Variants in PPP1R12C observed in about 807,000 individuals in gnomAD.
PPP1R12C encodes the protein protein phosphatase 1 regulatory subunit 12C.
A neutral mutation model predicts 95.6 loss-of-function variants in PPP1R12C; 48 were observed. That is an observed-to-expected ratio of 0.50 (90% CI 0.40 to 0.64). The LOEUF is 0.64. Among genes scored for constraint, PPP1R12C ranks in the 30% least tolerant of loss-of-function variants. The probability of loss-of-function intolerance (pLI) is 0.00; values close to 1 mark genes in which losing one functional copy is unlikely to be tolerated. For missense variants in PPP1R12C, 1,057 were observed against 1,083.3 expected (o/e 0.98, Z 0.34); for synonymous variants, 480 against 460.8 (o/e 1.04, Z -0.53).
rs1368975826 is a variant in PPP1R12C, at chr19:55,091,530, T to G, written c.2291A>C (p.Gln764Pro). ...KALSDLRADN[Q>P]RLKDENAALI... is the part of the protein sequence containing the mutation. ...CGCTGCATTCTCATCCTTGAGGCGC[T>G]GGTTGTCAGCGCGGAGGTCAGACAG... is the stretch of plus-strand genomic sequence containing the variant. Residue 764 changes from glutamine to proline, a missense_variant, in exon 22 of 22, where the codon CAG (glutamine) becomes CCG (proline). Coordinates refer to ENST00000263433, the MANE Select transcript of PPP1R12C (RefSeq NM_017607.4). The G allele has an allele frequency of 6.2e-7, 1 of 1,613,934 alleles. No individual in the cohort carries two copies. Among genetic ancestry groups the G allele is most frequent in the East Asian group, 2.2e-5 (1 of 44,876 alleles).
At position 55,098,797 on chromosome 19, in the gene PPP1R12C, C is replaced by T. The variant is rs749343076; in HGVS notation, c.938G>A (p.Arg313Gln). The T allele has an allele frequency of 4.3e-6, 7 of 1,613,400 alleles. No homozygotes were observed. The highest frequency in any genetic ancestry group is 1.7e-5 in the Admixed American group (1 of 60,002). The change falls in exon 6 of 22, where the codon CGG becomes CAG. Residue 313 changes from arginine (R) to glutamine (Q), a missense_variant. Coordinates refer to ENST00000263433, the MANE Select transcript of PPP1R12C (RefSeq NM_017607.4). Reference protein sequence around the residue: ...EVLSLLEELARKQEDLRNQKE... With the variant: ...EVLSLLEELAQKQEDLRNQKE... ...CCTGACACTCACGTCCTCCTGTTTC[C>T]GGGCCAGTTCCTCCAACAGGCTCAG...
intron 3 of PPP1R12C, among the ~76,000 whole-genome samples, chr19:55,104,092 G>A (rs531718962): frequency 6.9e-6 from 1 of 145,442 alleles, no homozygotes; most frequent in East Asian, 2.0e-4. Context: ...GAACCCGGGA[G>A]TTGGAGGTTG....
chr19:55,096,432 C>A (rs935325679), intron 6 of PPP1R12C, 97 bp from the exon 7 acceptor site: 3 of 1,423,438 alleles, frequency 2.1e-6, no homozygotes, highest in Non-Finnish European at 3.0e-6. Flanking sequence ...ACTGCCCAGG[C>A]GGGCACCGAG....
chr19:55,097,852 T>C (rs1382133465), intron 6 of PPP1R12C, among the ~76,000 whole-genome samples: 1 of 151,968 alleles, frequency 6.6e-6, no homozygotes, highest in Non-Finnish European at 1.5e-5. Flanking sequence ...CCCCACCTAT[T>C]AAACCCCTCA....
Position 55,117,352 on chromosome 19 carries a change from C to A in PPP1R12C, c.192G>T (p.Leu64=). 2 of 1,135,164 alleles carry A rather than the reference C, an allele frequency of 1.8e-6. No individual in the cohort carries two copies. The highest frequency in any genetic ancestry group is 2.2e-6 in the Non-Finnish European group (2 of 926,984). The allele number at this position is 1,135,164 out of a possible 1,614,324, so 70.3% of individuals were successfully genotyped here. A position where few individuals can be genotyped will look rare whatever the true frequency, so the allele number is the denominator to read the frequency against. Residue 64 remains leucine (L), a synonymous_variant, in exon 1 of 22, where the codon CTG becomes CTT. Transcript: ENST00000263433. The part of the protein sequence containing the change: ...EFLAACAGGD[L]DEARLMLRAA... ...CGCGCAGCATCAGACGCGCCTCGTC[C>A]AGGTCGCCGCCCGCACAGGCCGCCA... is the stretch of plus-strand genomic sequence containing the variant.
chr19:55,102,104 T>C (rs2084985911), intron 4 of PPP1R12C, among the ~76,000 whole-genome samples: 1 of 152,076 alleles, frequency 6.6e-6, no homozygotes, highest in African/African-American at 2.4e-5. Context: ...AGCCTGAGGA[T>C]GAGAACTGGA....
At chr19:55,104,661 G>A (rs564563168) in intron 3 of PPP1R12C, among the ~76,000 whole-genome samples, 1 of 150,794 alleles carries the variant, frequency 6.6e-6, no homozygotes, top group Admixed American at 6.6e-5. Context: ...TTGCACCACT[G>A]CACTCCAGCC....
chr19:55,094,739 G>C lies in PPP1R12C; in HGVS notation c.1514C>G (p.Pro505Arg), dbSNP rs369559413. 2 of 1,609,394 alleles carry C rather than the reference G, an allele frequency of 1.2e-6. No individual in the cohort carries two copies. Among genetic ancestry groups the C allele is most frequent in the Non-Finnish European group, 1.7e-6 (2 of 1,178,820 alleles). ...TGGCTTCGCTGGGGATTCAGGCTCC[G>C]GAATCCTGGAGGGAGGCGAGGAGTT... ...LENSSPPSRI[P>R]EPESPAKPNV... The change falls in exon 12 of 22, where the codon CCG becomes CGG. Residue 505 changes from proline to arginine, a missense_variant. By Grantham distance (103) the Pro-to-Arg change is moderately radical. Around this residue, in one of 5 missense-constraint regions of PPP1R12C, gnomAD observed 356 missense variants for 330.5 expected, o/e 1.08. Transcript: ENST00000263433.
At chr19:55,116,316 C>CG (rs1321646521) in intron 1 of PPP1R12C, among the ~76,000 whole-genome samples, 2 of 151,896 alleles carry the variant, frequency 1.3e-5, no homozygotes, top group African/African-American at 4.8e-5. Flanking sequence ...GAGAGATGCC[C>CG]GGAGAGGACC....
intron 4 of PPP1R12C, 25 bp from the exon 5 acceptor site, chr19:55,099,120 C>A: frequency 6.7e-7 from 1 of 1,503,634 alleles, no homozygotes; most frequent in South Asian, 1.3e-5. Flanking sequence ...GGCTCAGGGT[C>A]AGAGGCCAAG....
rs2084863058 is a variant in PPP1R12C, at chr19:55,092,863, C to T, written c.1831G>A (p.Ala611Thr). 1 of 1,590,220 alleles carries T rather than the reference C, an allele frequency of 6.3e-7. No homozygotes were observed. The highest frequency in any genetic ancestry group is 8.6e-7 in the Non-Finnish European group (1 of 1,169,146). ...NSDSPAQRAE[A>T]PDGQGPGPQA... ...GGTCCCGGACCCTGCCCGTCGGGCG[C>T]CTCTGCTGGGGGAGGGGCAGGAATC... The change falls in exon 16 of 22, where the codon GCG becomes ACG. Residue 611 changes from alanine to threonine, a missense_variant. By Grantham distance (58) the Ala-to-Thr change is moderately conservative. Transcript: ENST00000263433.
At chr19:55,113,791 G>C (rs867135956) in intron 1 of PPP1R12C, 5 of 274,742 alleles carry the variant, frequency 1.8e-5, no homozygotes, top group Non-Finnish European at 2.7e-5. Flanking sequence ...AACTCGGCTC[G>C]TTTATTTCCA....
Position 55,091,556 on chromosome 19 carries a change from G to A in PPP1R12C, c.2265C>T (p.Ala755=). ...KAAELEEELK[A]LSDLRADNQR... ...GGTTGTCAGCGCGGAGGTCAGACAGGGCCTGGGGGACGGCAAGGGTCAGCT... is the reference window on the plus strand; with the variant it reads ...GGTTGTCAGCGCGGAGGTCAGACAGAGCCTGGGGGACGGCAAGGGTCAGCT... The change falls in exon 22 of 22, where the codon GCC becomes GCT. Residue 755 remains alanine (A), a splice_region_variant and synonymous_variant. Coordinates refer to ENST00000263433, the MANE Select transcript of PPP1R12C (RefSeq NM_017607.4). 1 of 1,613,614 alleles carries A rather than the reference G, an allele frequency of 6.2e-7. No homozygotes were observed. Among genetic ancestry groups the A allele is most frequent in the Non-Finnish European group, 8.5e-7 (1 of 1,179,938 alleles).
intron 1 of PPP1R12C, chr19:55,115,172 G>A (rs747022899): frequency 2.6e-5 from 4 of 152,176 alleles, no homozygotes; most frequent in African/African-American, 7.3e-5. Context: ...GAGTAGAGGC[G>A]GCCACGACCT....
At position 55,112,490 on chromosome 19, in the gene PPP1R12C, A is replaced by G; in HGVS notation, c.548T>C (p.Leu183Pro). The G allele has an allele frequency of 6.2e-7, 1 of 1,612,472 alleles. No homozygotes were observed. The highest frequency in any genetic ancestry group is 8.5e-7 in the Non-Finnish European group (1 of 1,179,730). The part of the protein sequence containing the change: ...LAESDAMEGL[L>P]KAEIARRGVD... ...ACCTCGGCGGGCGATCTCCGCCTTC[A>G]GCAGCCCCTCCATGGCGTCCGACTC... The change falls in exon 3 of 22, where the codon CTG becomes CCG. Residue 183 changes from leucine to proline, a missense_variant. Leu to Pro is a moderately conservative substitution (Grantham distance 98). Transcript: ENST00000263433.
At chr19:55,095,146 C>T (rs2147182226) in intron 11 of PPP1R12C, 145 bp downstream of exon 11, 2 of 942,922 alleles carry the variant, frequency 2.1e-6, no homozygotes, top group Admixed American at 2.1e-5. Flanking sequence ...GGGAGAGAGC[C>T]CCCAAGAGGA....
At position 55,095,507 on chromosome 19, in the gene PPP1R12C, C is replaced by G; in HGVS notation, c.1324G>C (p.Ala442Pro). 6.4e-7 allele frequency: 1 copy of G among 1,574,774 alleles called. No individual in the cohort carries two copies. The highest frequency in any genetic ancestry group is 8.6e-7 in the Non-Finnish European group (1 of 1,160,248). Residue 442 changes from alanine to proline, a missense_variant, in exon 10 of 22, where the codon GCC (alanine) becomes CCC (proline). By Grantham distance (27) the Ala-to-Pro change is conservative. Transcript: ENST00000263433. ...GPPERRTAEG[A>P]PGAGLQRSAS... ...GAGCGCTGCAGCCCAGCCCCAGGGG[C>G]TCCCTCCGCTGTCCGCCTTTCAGGG...
In PPP1R12C at chr19:55,091,842, C is replaced by T. The variant is rs1348697969; in HGVS notation, c.2211+17G>A. On this transcript the variant is annotated intron_variant, in intron 20 of 21. Transcript: ENST00000263433. ...CTGGGGACGCCTCTGGCCCCCATCC[C>T]CACTGCCCCTACTCACGAATCTCTC... is the stretch of plus-strand genomic sequence containing the variant. 2 of 1,613,436 alleles carry T rather than the reference C, an allele frequency of 1.2e-6. No individual in the cohort carries two copies. The highest frequency in any genetic ancestry group is 2.2e-5 in the South Asian group (2 of 91,084).
At chr19:55,096,240 C>T (rs2147184614) in intron 7 of PPP1R12C, 22 bp downstream of exon 7, 1 of 1,613,880 alleles carries the variant, frequency 6.2e-7, no homozygotes, top group South Asian at 1.1e-5. Flanking sequence ...CCCGCCAGCC[C>T]TGGACTCCTC....
Sources: gnomAD v4.1 joint callset for allele counts (sites outside exome capture counted in the v4.1 genomes callset) on GRCh38, gnomAD v4.1.1 for gene constraint, gnomAD v4.1.1 regional missense constraint, MANE v1.5 for transcripts, NCBI Gene and HGNC (gene_info 2026-07-23, HGNC 2026-07-21) for gene names.